The following ABCF1 variants were observed in gnomAD, a reference collection of about 807,000 sequenced individuals.
ABCF1 encodes ATP binding cassette subfamily F member 1, also known as ATP-binding cassette sub-family F member 1.
Under a neutral mutation model 126.3 loss-of-function variants are expected in ABCF1, and 73 were observed. The ratio of observed to expected loss-of-function variants is 0.58; its 90% confidence interval spans 0.48 to 0.70. The LOEUF (loss-of-function observed/expected upper bound fraction) is 0.70, where lower values mean the gene tolerates loss of function less well. ABCF1 is among the 30% of genes least tolerant of loss of function. ABCF1 has a pLI of 0.00. For synonymous variants in ABCF1, 345 were observed against 396.4 expected, an observed-to-expected ratio of 0.87 and a Z score of 1.54; for missense variants, 786 against 1,057.5, an observed-to-expected ratio of 0.74 and a Z score of 3.56.
rs765211438 is a variant in ABCF1 at position 30,583,769 on chromosome 6, A to C, written c.1017-36A>C. 6.2e-7 allele frequency: 1 copy of C among 1,613,648 alleles called. No individual in the cohort carries two copies. Among genetic ancestry groups the C allele is most frequent in the Non-Finnish European group, 8.5e-7 (1 of 1,179,522 alleles). ...CTGGAGGGAAAAGAAGAGATTTCTC[A>C]GTGGTGGCCAGGTCCTAATAGCTTT... On this transcript the variant is annotated intron_variant, in intron 11 of 24. Transcript: ENST00000326195. This position sits in a 1 kb window ranked among gnomAD's most constrained non-coding sequence, Gnocchi z 4.1.
intron 20 of ABCF1, 191 bp from the exon 21 acceptor site, chr6:30,589,497 G>A: frequency 1.6e-6 from 1 of 638,892 alleles, no homozygotes; most frequent in Non-Finnish European, 2.7e-6. Context: ...CAGCTACTGG[G>A]GAGGCTGAGG....
rs1028577205 is a variant in ABCF1, at chr6:30,579,845, T to A, written c.490-86T>A. On this transcript the variant is annotated intron_variant, in intron 6 of 24. Coordinates refer to ENST00000326195, the MANE Select transcript of ABCF1 (RefSeq NM_001025091.2). ...AGGAGCATGTGTATGGTTAACACAGTAGACTCTCTAGAAATGCTTATTACA... is the reference window on the plus strand; with the variant it reads ...AGGAGCATGTGTATGGTTAACACAGAAGACTCTCTAGAAATGCTTATTACA... The A allele has an allele frequency of 4.5e-6, 6 of 1,347,898 alleles. No individual in the cohort carries two copies. In the African/African-American group the frequency reaches 5.9e-5, roughly 13 times the overall value. 83.5% of individuals were successfully genotyped at this position (1,347,898 alleles called of 1,614,324 possible).
chr6:30,575,666 A>T (rs1252533517), intron 1 of ABCF1, among the ~76,000 whole-genome samples: 7 of 152,006 alleles, frequency 4.6e-5, no homozygotes, highest in Non-Finnish European at 1.0e-4. Flanking sequence ...TAAATATGAC[A>T]CAATGTGATT....
chr6:30,586,411 C>T lies in ABCF1; in HGVS notation c.1886-63C>T. ...GATTGCTCCTGTTCTCCAAGGCCAGCACATGAGAGGGACTTTGCAGGGACT... is the reference window on the plus strand; with the variant it reads ...GATTGCTCCTGTTCTCCAAGGCCAGTACATGAGAGGGACTTTGCAGGGACT... On this transcript the variant is annotated intron_variant, in intron 18 of 24. Coordinates refer to ENST00000326195, the MANE Select transcript of ABCF1 (RefSeq NM_001025091.2). This position sits in a 1 kb window ranked among gnomAD's most constrained non-coding sequence, Gnocchi z 4.9. The T allele has an allele frequency of 1.2e-6, 2 of 1,609,010 alleles. No homozygotes were observed. Among genetic ancestry groups the T allele is most frequent in the Non-Finnish European group, 1.7e-6 (2 of 1,176,090 alleles).
intron 1 of ABCF1, among the ~76,000 whole-genome samples, chr6:30,573,273 A>G (rs1801346602): frequency 6.6e-6 from 1 of 152,252 alleles, no homozygotes; most frequent in Admixed American, 6.5e-5. Context: ...TAAGTAACCC[A>G]GTGACTAGTA....
At chr6:30,585,135 C>A in intron 14 of ABCF1, 125 bp from the exon 15 acceptor site, 1 of 880,638 alleles carries the variant, frequency 1.1e-6, no homozygotes, top group South Asian at 1.4e-5. Flanking sequence ...TGCCCGAGAA[C>A]TTCTCTGAGG....
At chr6:30,582,575 T>C (rs1582586422) in intron 9 of ABCF1, 68 bp downstream of exon 9, 2 of 1,529,512 alleles carry the variant, frequency 1.3e-6, no homozygotes, top group South Asian at 1.1e-5. Flanking sequence ...GGACATGCGA[T>C]TGGGGACACG....
chr6:30,586,082 C>T lies in ABCF1; in HGVS notation c.1714-52C>T, dbSNP rs770178044. The T allele has an allele frequency of 2.5e-6, 4 of 1,596,416 alleles. No individual in the cohort carries two copies. Among genetic ancestry groups the T allele is most frequent in the Non-Finnish European group, 3.4e-6 (4 of 1,173,122 alleles). ...GACTCTGGAACGCTGGCCTACATTT[C>T]AAGGACTGCCGCGCAGGGCTCAGGT... is the stretch of plus-strand genomic sequence containing the variant. On this transcript the variant is annotated intron_variant, in intron 17 of 24. Transcript: ENST00000326195. This position sits in a 1 kb window ranked among gnomAD's most constrained non-coding sequence, Gnocchi z 4.9.
chr6:30,579,604 C>T (rs991162640), intron 6 of ABCF1, among the ~76,000 whole-genome samples: 3 of 151,900 alleles, frequency 2.0e-5, no homozygotes, highest in Non-Finnish European at 2.9e-5. Context: ...ATTACAGGCA[C>T]GTGCCACCAC....
At chr6:30,580,115 G>A in intron 7 of ABCF1, 110 bp downstream of exon 7, 2 of 1,059,914 alleles carry the variant, frequency 1.9e-6, no homozygotes, top group Non-Finnish European at 2.7e-6. Context: ...GGGAGGCCGA[G>A]GTGGGCGGAT....
chr6:30,578,238 C>T, intron 4 of ABCF1, 36 bp downstream of exon 4: 1 of 1,613,538 alleles, frequency 6.2e-7, no homozygotes, highest in Non-Finnish European at 8.5e-7. Context: ...ACCTGGAATC[C>T]ATGAGTCATG....
chr6:30,578,407 C>CG, intron 5 of ABCF1, 22 bp downstream of exon 5: 1 of 1,614,088 alleles, frequency 6.2e-7, no homozygotes, highest in Non-Finnish European at 8.5e-7. Flanking sequence ...GTGTGGTAAA[C>CG]GGAGACTCCA....
In ABCF1 at chr6:30,586,448, A is replaced by T. The variant is rs762316383; in HGVS notation, c.1886-26A>T. The stretch of plus-strand genomic sequence containing the variant: ...ACTTTGCAGGGACTGAAAAGAATAT[A>T]AATTGCTTCTTTTCGTGGCTTTCAG... On this transcript the variant is annotated intron_variant, in intron 18 of 24. Coordinates refer to ENST00000326195, the MANE Select transcript of ABCF1 (RefSeq NM_001025091.2). This position sits in a 1 kb window ranked among gnomAD's most constrained non-coding sequence, Gnocchi z 4.9. The T allele has an allele frequency of 6.2e-7, 1 of 1,613,520 alleles. No individual in the cohort carries two copies. Among genetic ancestry groups the T allele is most frequent in the South Asian group, 1.1e-5 (1 of 91,068 alleles).
At position 30,586,957 on chromosome 6, in the gene ABCF1, A is replaced by T. The variant is rs977597646; in HGVS notation, c.2031+246A>T. 6.6e-6 allele frequency among the ~76,000 whole-genome samples: 1 copy of T among 152,114 alleles called. No individual in the cohort carries two copies. The highest frequency in any genetic ancestry group is 2.4e-5 in the African/African-American group (1 of 41,416). ...CGTGTTTTGGTTATACAAGAAATAT[A>T]TGTCTTTTATAGAACGATTAAAAAT... is the stretch of plus-strand genomic sequence containing the variant. On this transcript the variant is annotated intron_variant, in intron 20 of 24. Coordinates refer to ENST00000326195, the MANE Select transcript of ABCF1 (RefSeq NM_001025091.2). The surrounding 1 kb of genome is among the most constrained non-coding windows in gnomAD (Gnocchi z 4.9).
Position 30,584,680 on chromosome 6 carries a change from C to G in ABCF1, c.1391+114C>G. The G allele has an allele frequency of 7.4e-7, 1 of 1,343,176 alleles. No homozygotes were observed. The highest frequency in any genetic ancestry group is 1.5e-5 in the African/African-American group (1 of 68,266). The allele number at this position is 1,343,176 out of a possible 1,614,324, so 83.2% of individuals were successfully genotyped here. A position where few individuals can be genotyped will look rare whatever the true frequency, so the allele number is the denominator to read the frequency against. On this transcript the variant is annotated intron_variant, in intron 14 of 24. Coordinates refer to ENST00000326195, the MANE Select transcript of ABCF1 (RefSeq NM_001025091.2). This position sits in a 1 kb window ranked among gnomAD's most constrained non-coding sequence, Gnocchi z 4.6. ...AGGGAGGCTCAAGGCTTACCTCTCCCTCCTTACTATCTGTGTTGTGAGAAC... is the reference window on the plus strand; with the variant it reads ...AGGGAGGCTCAAGGCTTACCTCTCCGTCCTTACTATCTGTGTTGTGAGAAC...
At position 30,583,683 on chromosome 6, in the gene ABCF1, C is replaced by T. The variant is rs1417754948; in HGVS notation, c.991C>T (p.Arg331Cys). 6.8e-6 allele frequency: 11 copies of T among 1,613,852 alleles called. No homozygotes were observed. The highest frequency in any genetic ancestry group is 4.0e-5 in the African/African-American group (3 of 74,880). ...AGACCTGTACATTGTAGCCGGCCGC[C>T]GCTACGGGCTGGTAGGACCCAATGG... ...NADLYIVAGR[R>C]YGLVGPNGKG... The change falls in exon 11 of 25, where the codon CGC becomes TGC. Residue 331 changes from arginine (R) to cysteine (C), a missense_variant. This residue lies in a region of ABCF1 where 163 missense variants were observed against 255.3 expected (regional missense o/e 0.64). Coordinates refer to ENST00000326195, the MANE Select transcript of ABCF1 (RefSeq NM_001025091.2). This position sits in a 1 kb window ranked among gnomAD's most constrained non-coding sequence, Gnocchi z 4.1.
chr6:30,577,961 A>G, intron 3 of ABCF1, 48 bp downstream of exon 3: 1 of 1,613,344 alleles, frequency 6.2e-7, no homozygotes, highest in Non-Finnish European at 8.5e-7. Flanking sequence ...TCTGGGTTCC[A>G]CCAACCCCTT....
At position 30,586,202 on chromosome 6, in the gene ABCF1, A is replaced by C. The variant is rs1168304540; in HGVS notation, c.1782A>C (p.Glu594Asp). 6.2e-7 allele frequency: 1 copy of C among 1,613,978 alleles called. No individual in the cohort carries two copies. Among genetic ancestry groups the C allele is most frequent in the East Asian group, 2.2e-5 (1 of 44,874 alleles). Residue 594 changes from glutamate to aspartate, a missense_variant, in exon 18 of 25, where the codon GAA (glutamate) becomes GAC (aspartate). Coordinates refer to ENST00000326195, the MANE Select transcript of ABCF1 (RefSeq NM_001025091.2). This position sits in a 1 kb window ranked among gnomAD's most constrained non-coding sequence, Gnocchi z 4.9. ...QKCRRKNQDEESQEAPELLKR... is the reference protein window; with the variant it reads ...QKCRRKNQDEDSQEAPELLKR... Reference sequence around the variant, plus strand: ...GCCGACGGAAAAACCAAGATGAGGAATCCCAGGAGGCCCCTGAGCTCCTGA... The same window carrying C: ...GCCGACGGAAAAACCAAGATGAGGACTCCCAGGAGGCCCCTGAGCTCCTGA...
chr6:30,586,086 G>A lies in ABCF1; in HGVS notation c.1714-48G>A, dbSNP rs947630171. 1 of 1,598,042 alleles carries A rather than the reference G, an allele frequency of 6.3e-7. No individual in the cohort carries two copies. Among genetic ancestry groups the A allele is most frequent in the South Asian group, 1.1e-5 (1 of 89,212 alleles). ...CTGGAACGCTGGCCTACATTTCAAG[G>A]ACTGCCGCGCAGGGCTCAGGTTTCT... On this transcript the variant is annotated intron_variant, in intron 17 of 24. Coordinates refer to ENST00000326195, the MANE Select transcript of ABCF1 (RefSeq NM_001025091.2). The surrounding 1 kb of genome is among the most constrained non-coding windows in gnomAD (Gnocchi z 4.9).
Sources: gnomAD v4.1 joint callset for allele counts (sites outside exome capture counted in the v4.1 genomes callset) on GRCh38, gnomAD v4.1.1 for gene constraint, gnomAD v4.1.1 regional missense constraint, Gnocchi (gnomAD v3.1) non-coding constraint, MANE v1.5 for transcripts, NCBI Gene and HGNC (gene_info 2026-07-23, HGNC 2026-07-21) for gene names.